Variants in STRC observed in about 807,000 individuals in gnomAD.
STRC encodes the protein stereocilin.
STRC carries 43 observed loss-of-function variants against 103.5 expected under a neutral mutation model. That is an observed-to-expected ratio of 0.42 (90% CI 0.33 to 0.54). The LOEUF (loss-of-function observed/expected upper bound fraction) is 0.54, where lower values mean the gene tolerates loss of function less well. Ranked by LOEUF, STRC falls within the 20% of genes least tolerant of loss-of-function variation. STRC has a pLI of 0.14. For missense variants in STRC, 499 were observed against 1,088.5 expected, an observed-to-expected ratio of 0.46 and a Z score of 7.62; for synonymous variants, 186 against 442.3, an observed-to-expected ratio of 0.42 and a Z score of 7.27.
intron 22 of STRC, 49 bp from the exon 23 acceptor site, chr15:43,603,460 C>G: frequency 6.3e-7 from 1 of 1,579,206 alleles, no homozygotes; most frequent in Non-Finnish European, 8.7e-7. Context: ...ATAAAATATG[C>G]CCAGAGAGAT....
At chr15:43,603,813 A>G (rs1341319621) in intron 22 of STRC, among the ~76,000 whole-genome samples, 183 bp downstream of exon 22, 1 of 152,010 alleles carries the variant, frequency 6.6e-6, no homozygotes, top group Middle Eastern at 3.2e-3. Flanking sequence ...AGAAAACTTA[A>G]TAGTTTACAA....
rs140729822 is a variant in STRC, at chr15:43,601,534, C to A, written c.4563G>T (p.Arg1521=). 6.2e-7 allele frequency: 1 copy of A among 1,613,792 alleles called. No homozygotes were observed. The highest frequency in any genetic ancestry group is 8.5e-7 in the Non-Finnish European group (1 of 1,179,844). ...GCAGGATCTGCTCAGGACGAAATCC[C>A]CGGGGGGGACCCCACAACTAGGAGA... ...GKAKQLWGPP[R]GFRPEQILQL... Residue 1521 remains arginine (R), a synonymous_variant, in exon 24 of 29, where the codon CGG becomes CGT. Coordinates refer to ENST00000450892, the MANE Select transcript of STRC (RefSeq NM_153700.2).
chr15:43,609,264 C>T lies in STRC; in HGVS notation c.3557+12G>A, dbSNP rs368545142. On this transcript the variant is annotated intron_variant, in intron 16 of 28. Coordinates refer to ENST00000450892, the MANE Select transcript of STRC (RefSeq NM_153700.2). ...GTCGAATTCAGCGCACTGCTCAACA[C>T]AAGTTACTCACTGCAGATTCCTGAG... 1.3e-4 allele frequency: 207 copies of T among 1,609,896 alleles called. 1 individual carries two copies. The highest frequency in any genetic ancestry group is 1.7e-4 in the Non-Finnish European group (199 of 1,178,986).
chr15:43,600,162 T>C (rs1445620381), intron 27 of STRC, 34 bp downstream of exon 27: 4 of 1,551,650 alleles, frequency 2.6e-6, no homozygotes, highest in Non-Finnish European at 3.5e-6. Context: ...GGGCCCTGGC[T>C]CTCCTGTGGT....
chr15:43,601,408 C>G lies in STRC; in HGVS notation c.4689G>C (p.Trp1563Cys). The change falls in exon 24 of 29, where the codon TGG becomes TGC. Residue 1563 changes from tryptophan to cysteine, a missense_variant. By Grantham distance (215) the Trp-to-Cys change is radical (BLOSUM62 -2). Transcript: ENST00000450892. ...GGAAAAGTGTTACCTGAGTGGTGCT[C>G]CAGCCATCTATCTGCCCCAGGGTGC... is the stretch of plus-strand genomic sequence containing the variant. The part of the protein sequence containing the change: ...VLSTLGQIDG[W>C]STTQLRIVVS... The G allele has an allele frequency of 1.2e-6, 2 of 1,613,502 alleles. No individual in the cohort carries two copies. The highest frequency in any genetic ancestry group is 1.7e-6 in the Non-Finnish European group (2 of 1,179,852).
In STRC at chr15:43,603,695, T is replaced by C. The variant is rs555773661; in HGVS notation, c.4376-284A>G. On this transcript the variant is annotated intron_variant, in intron 22 of 28. Transcript: ENST00000450892. ...AGTTCTCCAGCCTCACAATGTCTCC[T>C]TCAAAGCTTCTAGGGATCTCCCCAG... 5 of 642,864 alleles carry C rather than the reference T, an allele frequency of 7.8e-6. No individual in the cohort carries two copies. In the East Asian group the frequency reaches 1.5e-4, roughly 19 times the overall value. 39.8% of individuals were successfully genotyped at this position (642,864 alleles called of 1,614,324 possible).
chr15:43,601,112 T>C lies in STRC; in HGVS notation c.4702-98A>G. On this transcript the variant is annotated intron_variant, in intron 24 of 28. Coordinates refer to ENST00000450892, the MANE Select transcript of STRC (RefSeq NM_153700.2). ...GTTACTGGGTTATATTCTGTTACTA[T>C]TAAGACCTAAGGAGTCATGGGGAAG... The C allele has an allele frequency of 8.1e-6, 8 of 982,306 alleles. 1 individual carries two copies. The highest frequency in any genetic ancestry group is 7.4e-5 in the South Asian group (5 of 67,800). 60.8% of individuals were successfully genotyped at this position (982,306 alleles called of 1,614,324 possible). A position where few individuals can be genotyped will look rare whatever the true frequency, so the allele number is the denominator to read the frequency against.
At chr15:43,616,836 G>GC (rs1381064491) in intron 3 of STRC, 146 bp from the exon 4 acceptor site, 3 of 491,324 alleles carry the variant, frequency 6.1e-6, no homozygotes, top group Non-Finnish European at 1.1e-5. Flanking sequence ...AGGCGTTACT[G>GC]GTTGAAATGC....
In STRC at chr15:43,600,912, G is replaced by T. The variant is rs370775837; in HGVS notation, c.4804C>A (p.Arg1602=). Residue 1602 remains arginine (R), a synonymous_variant, in exon 25 of 29, where the codon CGG becomes AGG. Coordinates refer to ENST00000450892, the MANE Select transcript of STRC (RefSeq NM_153700.2). ...TALGYTLCGL[R]PEELQHISSW... The stretch of plus-strand genomic sequence containing the variant: ...CTGATGTGCTGGAGCTCCTCTGGCC[G>T]CAGTCCACAGAGAGTATAACCCAGC... The T allele has an allele frequency of 1.9e-6, 3 of 1,611,916 alleles. No individual in the cohort carries two copies. The highest frequency in any genetic ancestry group is 2.2e-5 in the South Asian group (2 of 90,960).
chr15:43,609,144 G>C, intron 16 of STRC, 132 bp downstream of exon 16: 1 of 797,840 alleles, frequency 1.3e-6, no homozygotes, highest in Non-Finnish European at 2.2e-6. Context: ...CTAGGAGAAC[G>C]TCCACGAGGC....
At chr15:43,610,202 A>T (rs2085737845) in intron 15 of STRC, 110 bp downstream of exon 15, 1 of 458,604 alleles carries the variant, frequency 2.2e-6, no homozygotes, top group Non-Finnish European at 4.1e-6. Flanking sequence ...TATCTCAAAC[A>T]ATCAAATAAA....
rs761699580 is a variant in STRC, at chr15:43,601,572, A to T, written c.4546-21T>A. On this transcript the variant is annotated intron_variant, in intron 23 of 28. Transcript: ENST00000450892. ...CACAACTAGGAGAAAGACAGGAACA[A>T]TGTGAGTGGAAAAGCAGTGGATTGG... is the stretch of plus-strand genomic sequence containing the variant. 5 of 1,613,170 alleles carry T rather than the reference A, an allele frequency of 3.1e-6. 1 individual carries two copies. Among genetic ancestry groups the T allele is most frequent in the Non-Finnish European group, 4.2e-6 (5 of 1,179,286 alleles).
Position 43,605,139 on chromosome 15 carries a change from G to C in STRC, c.3930+125C>G, listed in dbSNP as rs1735611708. 5.2e-6 allele frequency: 8 copies of C among 1,543,232 alleles called. 1 individual carries two copies. The highest frequency in any genetic ancestry group is 2.7e-5 in the African/African-American group (2 of 73,030). ...GGCAAAACAGGGGCCAGGCCTTGTA[G>C]ACAGGAATCTGTTTGGCAGCAAGAA... On this transcript the variant is annotated intron_variant, in intron 19 of 28. Coordinates refer to ENST00000450892, the MANE Select transcript of STRC (RefSeq NM_153700.2).
rs1194548531 is a variant in STRC, at chr15:43,604,779, C to T, written c.3998G>A (p.Gly1333Glu). ...GGGGATCTGTCGTGTGCTCTCTGTCCCCAGGAATCCAACCAAAGGGCCTAA... is the reference window on the plus strand; with the variant it reads ...GGGGATCTGTCGTGTGCTCTCTGTCTCCAGGAATCCAACCAAAGGGCCTAA... Reference protein sequence around the residue: ...ETLGPLVGFLGTESTRQIPLQ... With the variant: ...ETLGPLVGFLETESTRQIPLQ... The change falls in exon 20 of 29, where the codon GGG (glycine) becomes GAG (glutamate). Residue 1333 changes from glycine to glutamate, a missense_variant. Coordinates refer to ENST00000450892, the MANE Select transcript of STRC (RefSeq NM_153700.2). 6.2e-7 allele frequency: 1 copy of T among 1,613,316 alleles called. No individual in the cohort carries two copies. The highest frequency in any genetic ancestry group is 1.1e-5 in the South Asian group (1 of 91,028).
chr15:43,603,268 G>T lies in STRC; in HGVS notation c.4519C>A (p.Arg1507=). Residue 1507 remains arginine, a synonymous_variant, in exon 23 of 29, where the codon CGG becomes AGG. Transcript: ENST00000450892. The part of the protein sequence containing the change: ...GDPGLGPEEL[R]AAMGKAKQLW... Reference sequence around the variant, plus strand: ...TGTTTTGCTTTGCCCATGGCTGCCCGCAGTTCCTCAGGCCCAAGTCCTGGG... The same window carrying T: ...TGTTTTGCTTTGCCCATGGCTGCCCTCAGTTCCTCAGGCCCAAGTCCTGGG... 1 of 1,613,642 alleles carries T rather than the reference G, an allele frequency of 6.2e-7. No homozygotes were observed. The highest frequency in any genetic ancestry group is 8.5e-7 in the Non-Finnish European group (1 of 1,179,800).
At chr15:43,602,561 C>G (rs1375467454) in intron 23 of STRC, 1 of 153,222 alleles carries the variant, frequency 6.5e-6, no homozygotes, top group Non-Finnish European at 1.4e-5. Context: ...TTCAGCAGCA[C>G]ATACCCCAAA....
In STRC at chr15:43,600,431, C is replaced by T. The variant is rs574813814; in HGVS notation, c.4993+103G>A. ...ATGTCTCTAGCCCCTTATTTAAACA[C>T]CCTCAGGCCCCCACCTTAAGAATTG... On this transcript the variant is annotated intron_variant, in intron 26 of 28. Coordinates refer to ENST00000450892, the MANE Select transcript of STRC (RefSeq NM_153700.2). 45 of 1,578,954 alleles carry T rather than the reference C, an allele frequency of 2.8e-5. 2 individuals carry two copies. The African/African-American group carries it at 3.5e-4, about 12-fold the overall frequency.
At chr15:43,603,936 C>T in intron 22 of STRC, 60 bp downstream of exon 22, 1 of 1,610,098 alleles carries the variant, frequency 6.2e-7, no homozygotes, top group Non-Finnish European at 8.5e-7. Context: ...ATGTAGAACC[C>T]AGACCGTTTG....
chr15:43,608,911 T>G, intron 16 of STRC, among the ~76,000 whole-genome samples: 1 of 150,608 alleles, frequency 6.6e-6, no homozygotes, highest in Non-Finnish European at 1.5e-5. Context: ...TTAAATATCT[T>G]ACATGACCTA....
Sources: allele counts gnomAD v4.1 joint callset (sites outside exome capture counted in the v4.1 genomes callset), GRCh38; gene constraint gnomAD v4.1.1; transcripts MANE v1.5; gene names NCBI Gene and HGNC (gene_info 2026-07-23, HGNC 2026-07-21).